Variants in TRIM69 observed in about 807,000 individuals in gnomAD.
The protein encoded by TRIM69 is E3 ubiquitin-protein ligase TRIM69.
TRIM69 carries 29 observed loss-of-function variants against 37.7 expected under a neutral mutation model. The observed-to-expected ratio is 0.77, with a 90% CI of 0.57 to 1.05. The LOEUF (loss-of-function observed/expected upper bound fraction) is 1.05. Ranked by LOEUF, TRIM69 falls within the 50% of genes least tolerant of loss-of-function variation. The pLI, the probability that TRIM69 is intolerant of heterozygous loss-of-function variation, is 0.00. For missense variants in TRIM69, 596 were observed against 579.9 expected (o/e 1.03, Z -0.28); for synonymous variants, 209 against 212.4 (o/e 0.98, Z 0.14).
At chr15:44,754,556 AAAAAT>A in intron 1 of TRIM69, 1 of 213,384 alleles carries the variant, frequency 4.7e-6, no homozygotes, top group Non-Finnish European at 9.2e-6. Context: ...TCTAGAAAAC[AAAAAT>A]AAAATAAAGG....
chr15:44,758,372 T>C, intron 3 of TRIM69: 1 of 581,904 alleles, frequency 1.7e-6, no homozygotes, highest in South Asian at 2.1e-5. Context: ...TTGGTTACCA[T>C]CTCAGTACTG....
rs566451220 is a variant in TRIM69 at position 44,763,149 on chromosome 15, G to T, written c.961+3277G>T. ...TTTCTGTTTTAGGTTTCCATCTAAG[G>T]TGCCACATTACACTAAGTTGTCATT... On this transcript the variant is annotated intron_variant, in intron 6 of 6. Coordinates refer to ENST00000329464, the MANE Select transcript of TRIM69 (RefSeq NM_182985.5). Among the ~76,000 whole-genome samples the T allele has an allele frequency of 6.6e-5, 10 of 152,026 alleles. No individual in the cohort carries two copies. The East Asian group carries it at 1.9e-3, about 29-fold the overall frequency.
At position 44,738,564 on chromosome 15, in the gene TRIM69, A is replaced by T. The variant is rs1377043148; in HGVS notation, c.6+1854A>T. Among the ~76,000 whole-genome samples, 3 of 152,218 alleles carry T rather than the reference A, an allele frequency of 2.0e-5. No homozygotes were observed. In the East Asian group the frequency reaches 5.8e-4, roughly 29 times the overall value. The stretch of plus-strand genomic sequence containing the variant: ...AGACTCTCATTTGGTTTCCAATTCT[A>T]TAGCTCCCTCTAGAGCAGTAGGAAG... On this transcript the variant is annotated intron_variant, in intron 1 of 6. Transcript: ENST00000329464.
At chr15:44,758,964 C>A in intron 4 of TRIM69, 110 bp downstream of exon 4, 2 of 1,336,386 alleles carry the variant, frequency 1.5e-6, no homozygotes, top group Non-Finnish European at 2.0e-6. Flanking sequence ...CAAAACAAAA[C>A]AAAACAAAAC....
intron 1 of TRIM69, chr15:44,753,875 C>A (rs1217574022): frequency 6.6e-6 from 1 of 151,990 alleles, no homozygotes; most frequent in Non-Finnish European, 1.5e-5. Context: ...CCGCCATGAC[C>A]AGCTAATTTT....
intron 1 of TRIM69, chr15:44,753,628 C>T (rs1044462265): frequency 6.6e-6 from 1 of 152,132 alleles, no homozygotes; most frequent in Non-Finnish European, 1.5e-5. Flanking sequence ...CATTGTGGAT[C>T]TCTTTGAATT....
chr15:44,743,818 G>T (rs900947398), intron 1 of TRIM69, among the ~76,000 whole-genome samples: 1 of 152,208 alleles, frequency 6.6e-6, no homozygotes, highest in African/African-American at 2.4e-5. Flanking sequence ...AGGTGCTACA[G>T]AGGATGTGGA....
chr15:44,758,900 G>A (rs764664458), intron 4 of TRIM69, 46 bp downstream of exon 4: 8 of 1,567,750 alleles, frequency 5.1e-6, no homozygotes, highest in Non-Finnish European at 6.1e-6. Flanking sequence ...CCTACCTAGA[G>A]GGGGGAAGAG....
intron 1 of TRIM69, among the ~76,000 whole-genome samples, chr15:44,740,543 G>T (rs1436325387): frequency 3.9e-5 from 6 of 152,192 alleles, no homozygotes; most frequent in African/African-American, 1.4e-4. Flanking sequence ...TAAAGGAGCT[G>T]ATGGAGCTTG....
intron 1 of TRIM69, among the ~76,000 whole-genome samples, chr15:44,749,226 G>T (rs6416440): frequency 0.94 from 142,972 of 152,254 alleles, 67,269 homozygotes; most frequent in Middle Eastern, 0.96. Context: ...TGAGGTAAAA[G>T]TCATACAACA....
intron 1 of TRIM69, 140 bp downstream of exon 1, chr15:44,736,850 T>C (rs1454976912): frequency 1.1e-6 from 1 of 900,906 alleles, no homozygotes; most frequent in Non-Finnish European, 1.7e-6. Context: ...AGCTGGTAGC[T>C]ACTATACTCT....
rs866109922 is a variant in TRIM69, at chr15:44,767,453, T to C, written c.1184T>C (p.Val395Ala). ...AAGACAAAATGGACAGTTGGAGTTG[T>C]CAGAGAATCCATCATTCGGAAGGGC... ...AKKTKWTVGV[V>A]RESIIRKGSC... The change falls in exon 7 of 7, where the codon GTC (valine) becomes GCC (alanine). Residue 395 changes from valine (V) to alanine (A), a missense_variant. Transcript: ENST00000329464. The C allele has an allele frequency of 7.4e-6, 12 of 1,614,192 alleles. No individual in the cohort carries two copies. Among genetic ancestry groups the C allele is most frequent in the Middle Eastern group, 1.6e-4 (1 of 6,062 alleles).
In TRIM69 at chr15:44,758,558, G is replaced by A. The variant is rs947708347; in HGVS notation, c.580-63G>A. On this transcript the variant is annotated intron_variant, in intron 3 of 6. Coordinates refer to ENST00000329464, the MANE Select transcript of TRIM69 (RefSeq NM_182985.5). The stretch of plus-strand genomic sequence containing the variant: ...CCAAGTGTGTGAGTGTTGGTGGTGT[G>A]GGCCCCCATCCCCAAGCACTAGTCT... 158 of 1,592,032 alleles carry A rather than the reference G, an allele frequency of 9.9e-5. No homozygotes were observed. In the African/African-American group the frequency reaches 2.0e-3, roughly 20 times the overall value.
chr15:44,743,128 T>C (rs952343171), intron 1 of TRIM69, among the ~76,000 whole-genome samples: 6 of 152,042 alleles, frequency 3.9e-5, no homozygotes, highest in Non-Finnish European at 8.8e-5. Context: ...TAGAGATCAA[T>C]GGAACAGAAC....
chr15:44,758,160 T>A (rs1000475887), intron 3 of TRIM69: 1 of 165,128 alleles, frequency 6.1e-6, no homozygotes, highest in Admixed American at 5.8e-5. Context: ...TGTGAGGATG[T>A]TGAGGTAACC....
chr15:44,762,728 C>G (rs1226496801), intron 6 of TRIM69, among the ~76,000 whole-genome samples: 1 of 152,022 alleles, frequency 6.6e-6, no homozygotes, highest in Non-Finnish European at 1.5e-5. Context: ...CTTATCTCTT[C>G]TCACCATGTT....
chr15:44,757,345 A>G (rs2087672870), intron 3 of TRIM69: 1 of 152,226 alleles, frequency 6.6e-6, no homozygotes, highest in Admixed American at 6.5e-5. Context: ...AGTATAGGGT[A>G]TGATGATAGC....
chr15:44,761,814 T>G (rs1253083807), intron 6 of TRIM69, among the ~76,000 whole-genome samples: 2 of 152,208 alleles, frequency 1.3e-5, no homozygotes, highest in Non-Finnish European at 2.9e-5. Context: ...GGTGCTTCCT[T>G]GCCATTCATA....
rs546930315 is a variant in TRIM69 at position 44,743,631 on chromosome 15, C to T, written c.6+6921C>T. ...ACAAATTTACAAGAAAAAAACAACC[C>T]CATCAAAAAGTGGGCAAAGGACATG... On this transcript the variant is annotated intron_variant, in intron 1 of 6. Transcript: ENST00000329464. Among the ~76,000 whole-genome samples, 257 of 152,046 alleles carry T rather than the reference C, an allele frequency of 1.7e-3. 1 individual carries two copies. Among genetic ancestry groups the T allele is most frequent in the African/African-American group, 6.0e-3 (250 of 41,496 alleles).
Sources: allele counts gnomAD v4.1 joint callset (sites outside exome capture counted in the v4.1 genomes callset), GRCh38; gene constraint gnomAD v4.1.1; transcripts MANE v1.5; gene names NCBI Gene and HGNC (gene_info 2026-07-23, HGNC 2026-07-21).